The following TRERF1 variants were observed in gnomAD, a reference collection of about 807,000 sequenced individuals.
TRERF1 encodes the protein transcriptional regulating factor 1.
Under a neutral mutation model 122.9 loss-of-function variants are expected in TRERF1, and 27 were observed. The observed-to-expected ratio is 0.22, with a 90% CI of 0.16 to 0.30. The LOEUF is 0.30. Among genes scored for constraint, TRERF1 ranks in the 10% least tolerant of loss-of-function variants. The pLI, the probability that TRERF1 is intolerant of heterozygous loss-of-function variation, is 1.00. For missense variants in TRERF1, 1,248 were observed against 1,560.3 expected (o/e 0.80, Z 3.37); for synonymous variants, 636 against 641.7 (o/e 0.99, Z 0.13).
In TRERF1 at chr6:42,368,467, GATAA is replaced by G. The variant is rs1462690334; in HGVS notation, c.-453-5392_-453-5389del. Among the ~76,000 whole-genome samples the G allele has an allele frequency of 1.1e-3, 171 of 152,224 alleles. 1 individual carries two copies. The highest frequency in any genetic ancestry group is 0.01 in the Middle Eastern group (3 of 294). On this transcript the variant is annotated intron_variant, in intron 2 of 17. Transcript: ENST00000372922. ...CAAAACCAAGAACTTCAATGGTAAAGATAAAACAGCAAGCACCAAGACTCTAAAC... is the reference window on the plus strand; with the variant it reads ...CAAAACCAAGAACTTCAATGGTAAAGAACAGCAAGCACCAAGACTCTAAAC...
At chr6:42,320,633 C>T (rs1046927743) in intron 3 of TRERF1, among the ~76,000 whole-genome samples, 2 of 151,562 alleles carry the variant, frequency 1.3e-5, no homozygotes, top group African/African-American at 4.9e-5. Context: ...CCTCAGCCTC[C>T]TGAGTAGCAA....
chr6:42,451,865 C>A (rs1044669555), intron 1 of TRERF1, among the ~76,000 whole-genome samples: 11 of 152,146 alleles, frequency 7.2e-5, no homozygotes, highest in Admixed American at 5.9e-4. Context: ...ATCCACCCTC[C>A]CCTTCAGGAA....
chr6:42,299,937 C>T (rs1785861727), intron 4 of TRERF1, among the ~76,000 whole-genome samples: 2 of 152,184 alleles, frequency 1.3e-5, no homozygotes, highest in Admixed American at 6.5e-5. Flanking sequence ...GCATGAGCAA[C>T]CAGCAAGGCA....
chr6:42,365,848 C>T (rs372841734), intron 2 of TRERF1, among the ~76,000 whole-genome samples: 9 of 152,216 alleles, frequency 5.9e-5, no homozygotes, highest in East Asian at 1.9e-4. Context: ...CAAATCGAGA[C>T]GGATCTTCTT....
intron 3 of TRERF1, among the ~76,000 whole-genome samples, chr6:42,354,553 G>A (rs1770140516): frequency 1.3e-5 from 2 of 151,944 alleles, no homozygotes; most frequent in African/African-American, 4.8e-5. Flanking sequence ...TCATTTTGGT[G>A]AAGCCAAAAT....
chr6:42,336,344 C>T (rs1766166881), intron 3 of TRERF1, among the ~76,000 whole-genome samples: 1 of 152,176 alleles, frequency 6.6e-6, no homozygotes, highest in Non-Finnish European at 1.5e-5. Context: ...CCACCATCCC[C>T]GACCATCATG....
chr6:42,385,573 G>A (rs1776655886), intron 2 of TRERF1, among the ~76,000 whole-genome samples: 1 of 152,082 alleles, frequency 6.6e-6, no homozygotes, highest in East Asian at 1.9e-4. Context: ...GCAGCACAAA[G>A]TGACCTGGAC....
At chr6:42,236,514 G>A (rs1772242760) in intron 15 of TRERF1, 103 bp from the exon 16 acceptor site, 1 of 1,454,346 alleles carries the variant, frequency 6.9e-7, no homozygotes, top group Non-Finnish European at 9.1e-7. Context: ...GCAGGATGCT[G>A]GCGCTGTGTT....
At chr6:42,246,754 G>C (rs750114759) in intron 13 of TRERF1, among the ~76,000 whole-genome samples, 1 of 152,180 alleles carries the variant, frequency 6.6e-6, no homozygotes, top group African/African-American at 2.4e-5. Flanking sequence ...ACCTTGGCAA[G>C]TTACTTATCC....
rs779457766 is a variant in TRERF1, at chr6:42,236,196, C to T, written c.3066+9G>A. ...GTCCCAGATCCCCAGACGACACAGACACACTTACAGCCCCACAGTTGGGCA... is the reference window on the plus strand; with the variant it reads ...GTCCCAGATCCCCAGACGACACAGATACACTTACAGCCCCACAGTTGGGCA... On this transcript the variant is annotated intron_variant, in intron 16 of 17. Transcript: ENST00000372922. The T allele has an allele frequency of 1.3e-6, 2 of 1,557,318 alleles. No individual in the cohort carries two copies. The highest frequency in any genetic ancestry group is 2.1e-5 in the Admixed American group (1 of 48,518).
intron 3 of TRERF1, among the ~76,000 whole-genome samples, chr6:42,342,403 C>T (rs1001050321): frequency 1.3e-5 from 2 of 152,104 alleles, no homozygotes; most frequent in Non-Finnish European, 2.9e-5. Context: ...TAGTGGGTAT[C>T]CTGCAACTCC....
At chr6:42,391,863 G>A (rs1187286915) in intron 2 of TRERF1, among the ~76,000 whole-genome samples, 3 of 152,164 alleles carry the variant, frequency 2.0e-5, no homozygotes, top group Non-Finnish European at 2.9e-5. Flanking sequence ...CCTCCCCACA[G>A]AGTAAAGCTT....
chr6:42,313,915 G>C (rs1485469382), intron 3 of TRERF1, among the ~76,000 whole-genome samples: 2 of 152,134 alleles, frequency 1.3e-5, no homozygotes, highest in African/African-American at 4.8e-5. Context: ...TGGAGGTAAG[G>C]ACAGGGATTT....
chr6:42,446,438 C>G (rs532294438), intron 2 of TRERF1, among the ~76,000 whole-genome samples: 1 of 152,290 alleles, frequency 6.6e-6, no homozygotes, highest in African/African-American at 2.4e-5. Flanking sequence ...CCTTTCCAGG[C>G]TACTCTAATG....
At chr6:42,438,282 T>C (rs1376262631) in intron 2 of TRERF1, among the ~76,000 whole-genome samples, 1 of 151,492 alleles carries the variant, frequency 6.6e-6, no homozygotes, top group Non-Finnish European at 1.5e-5. Context: ...AAGGTCGCCA[T>C]GGCCAGAGCA....
At chr6:42,251,692 C>T (rs188792238) in intron 13 of TRERF1, among the ~76,000 whole-genome samples, 3 of 152,142 alleles carry the variant, frequency 2.0e-5, no homozygotes, top group Admixed American at 1.3e-4. Flanking sequence ...GTACGTAATT[C>T]TGTCTCCTCA....
At position 42,263,651 on chromosome 6, in the gene TRERF1, C is replaced by T; in HGVS notation, c.1636-83G>A. On this transcript the variant is annotated intron_variant, in intron 7 of 17. Transcript: ENST00000372922. This position sits in a 1 kb window ranked among gnomAD's most constrained non-coding sequence, Gnocchi z 5.6. ...GCACTTTGCTTTTCCCGAAAGGTTCCAGGACATCAGGTATGGGTGATAGAG... is the reference window on the plus strand; with the variant it reads ...GCACTTTGCTTTTCCCGAAAGGTTCTAGGACATCAGGTATGGGTGATAGAG... The T allele has an allele frequency of 7.1e-7, 1 of 1,400,222 alleles. No individual in the cohort carries two copies. Among genetic ancestry groups the T allele is most frequent in the Non-Finnish European group, 9.3e-7 (1 of 1,073,230 alleles). The allele number at this position is 1,400,222 out of a possible 1,614,324, so 86.7% of individuals were successfully genotyped here.
rs1290799463 is a variant in TRERF1, at chr6:42,228,864, A to G, written c.3279-195T>C. On this transcript the variant is annotated intron_variant, in intron 17 of 17. Coordinates refer to ENST00000372922, the Ensembl canonical transcript of TRERF1. The surrounding 1 kb of genome is among the most constrained non-coding windows in gnomAD (Gnocchi z 4.2). ...GCATTACAAGGAAAGGGATGGGGACAGAACACACCTACTGTGCCTCAGGCT... is the reference window on the plus strand; with the variant it reads ...GCATTACAAGGAAAGGGATGGGGACGGAACACACCTACTGTGCCTCAGGCT... Among the ~76,000 whole-genome samples, 1 of 152,200 alleles carries G rather than the reference A, an allele frequency of 6.6e-6. No homozygotes were observed. Among genetic ancestry groups the G allele is most frequent in the Non-Finnish European group, 1.5e-5 (1 of 68,032 alleles).
At chr6:42,377,076 G>T (rs1775021986) in intron 2 of TRERF1, among the ~76,000 whole-genome samples, 1 of 150,918 alleles carries the variant, frequency 6.6e-6, no homozygotes, top group Non-Finnish European at 1.5e-5. Flanking sequence ...ACGTCAGTCA[G>T]GCTGATCTCA....
Sources: gnomAD v4.1 joint callset for allele counts (sites outside exome capture counted in the v4.1 genomes callset) on GRCh38, gnomAD v4.1.1 for gene constraint, Gnocchi (gnomAD v3.1) non-coding constraint, MANE v1.5 for transcripts, NCBI Gene and HGNC (gene_info 2026-07-23, HGNC 2026-07-21) for gene names.